The following LMBR1 variants were observed in gnomAD, a reference collection of about 807,000 sequenced individuals.
The protein encoded by LMBR1 is limb development membrane protein 1.
A neutral mutation model predicts 73.9 loss-of-function variants in LMBR1; 52 were observed. That is an observed-to-expected ratio of 0.70 (90% CI 0.56 to 0.89). LMBR1 has a LOEUF of 0.89. Ranked by LOEUF, LMBR1 falls within the 40% of genes least tolerant of loss-of-function variation. LMBR1 has a pLI of 0.00. For synonymous variants in LMBR1, 215 were observed against 209.4 expected (o/e 1.03, Z -0.23); for missense variants, 539 against 579.8 (o/e 0.93, Z 0.72).
chr7:156,820,920 G>C (rs2133753185), intron 4 of LMBR1, among the ~76,000 whole-genome samples: 1 of 152,342 alleles, frequency 6.6e-6, no homozygotes, highest in Non-Finnish European at 1.5e-5. Context: ...TGGAGCCTTT[G>C]GCAGGTTCCT....
At chr7:156,823,653 C>T (rs1245050832) in intron 4 of LMBR1, 1 of 152,152 alleles carries the variant, frequency 6.6e-6, no homozygotes, top group Non-Finnish European at 1.5e-5. Context: ...ACGAAATAGC[C>T]TTTGAAAACC....
intron 16 of LMBR1, 123 bp from the exon 17 acceptor site, chr7:156,684,286 G>T: frequency 2.7e-6 from 2 of 751,098 alleles, no homozygotes; most frequent in Non-Finnish European, 4.5e-6. Context: ...TGAGGTGCTG[G>T]CCAGATCCCC....
downstream of LMBR1, chr7:156,676,333 G>T (rs749258667): frequency 1.2e-6 from 2 of 1,612,986 alleles, no homozygotes; most frequent in African/African-American, 2.7e-5. Context: ...CATGTCTCGG[G>T]GCACATGGTT....
At chr7:156,861,628 C>A (rs1247654566) in intron 1 of LMBR1, among the ~76,000 whole-genome samples, 1 of 152,152 alleles carries the variant, frequency 6.6e-6, no homozygotes, top group Non-Finnish European at 1.5e-5. Flanking sequence ...AACTTCTATG[C>A]TCTGTTTTCC....
Position 156,756,394 on chromosome 7 carries a change from AT to A in LMBR1, c.755del (p.Asn252MetfsTer11). The A allele has an allele frequency of 7.1e-7, 1 of 1,401,548 alleles. No individual in the cohort carries two copies. The highest frequency in any genetic ancestry group is 1.0e-6 in the Non-Finnish European group (1 of 994,486). 86.8% of individuals were successfully genotyped at this position (1,401,548 alleles called of 1,614,324 possible). A position where few individuals can be genotyped will look rare whatever the true frequency, so the allele number is the denominator to read the frequency against. On this transcript the variant is annotated frameshift_variant and splice_region_variant, in exon 9 of 17. Coordinates refer to ENST00000353442, the MANE Select transcript of LMBR1 (RefSeq NM_022458.4). LOFTEE classifies it high-confidence loss of function. ...LEEEALQRRL[N>X]GLSSSVEYNI... ...TCTAAATATGTAATATAAACATACC[AT>A]TTAGTCGTCTCTGGAGTGCTTCTTC...
intron 4 of LMBR1, among the ~76,000 whole-genome samples, chr7:156,796,896 T>A (rs190225213): frequency 6.6e-6 from 1 of 152,338 alleles, no homozygotes; most frequent in East Asian, 1.9e-4. Context: ...TTAAGCCTCA[T>A]AAAAACCCTA....
intron 1 of LMBR1, among the ~76,000 whole-genome samples, chr7:156,870,426 A>G (rs528042906): frequency 1.3e-5 from 2 of 152,214 alleles, no homozygotes; most frequent in African/African-American, 2.4e-5. Context: ...TAAACACCAC[A>G]TTCTGAACAC....
chr7:156,688,430 G>A (rs1052692931), intron 15 of LMBR1, among the ~76,000 whole-genome samples: 5 of 152,012 alleles, frequency 3.3e-5, no homozygotes, highest in Non-Finnish European at 7.4e-5. Flanking sequence ...TGAGTAATGA[G>A]GTCAGAATGA....
intron 15 of LMBR1, among the ~76,000 whole-genome samples, chr7:156,694,470 T>A (rs1415756867): frequency 1.3e-5 from 2 of 152,078 alleles, no homozygotes; most frequent in African/African-American, 4.8e-5. Context: ...CAGCTAACAT[T>A]ATAATCAATG....
intron 5 of LMBR1, among the ~76,000 whole-genome samples, chr7:156,767,430 A>T (rs143598519): frequency 2.0e-5 from 3 of 152,302 alleles, no homozygotes; most frequent in East Asian, 3.9e-4. Context: ...ATTTTTTATT[A>T]TCTTATACAT....
At chr7:156,742,417 G>GA (rs1321189963) in intron 9 of LMBR1, among the ~76,000 whole-genome samples, 1 of 152,034 alleles carries the variant, frequency 6.6e-6, no homozygotes, top group Non-Finnish European at 1.5e-5. Context: ...AATCAGAGAT[G>GA]AAAAAGAAGA....
chr7:156,882,504 A>G (rs1801247207), intron 1 of LMBR1, among the ~76,000 whole-genome samples: 1 of 152,196 alleles, frequency 6.6e-6, no homozygotes, highest in Non-Finnish European at 1.5e-5. Flanking sequence ...TAAGTGAAAA[A>G]AAGAGAGTCA....
intron 1 of LMBR1, among the ~76,000 whole-genome samples, chr7:156,889,226 T>C (rs1329635471): frequency 2.0e-5 from 3 of 152,080 alleles, no homozygotes; most frequent in Non-Finnish European, 4.4e-5. Flanking sequence ...GAGTGAAGAA[T>C]GGAGAGTTAC....
intron 15 of LMBR1, among the ~76,000 whole-genome samples, chr7:156,710,476 A>G (rs1811850050): frequency 6.6e-6 from 1 of 152,226 alleles, no homozygotes; most frequent in Admixed American, 6.5e-5. Context: ...GACAAAGACA[A>G]AGAAAAAAGA....
intron 4 of LMBR1, among the ~76,000 whole-genome samples, chr7:156,800,521 T>A (rs1201687941): frequency 7.5e-6 from 1 of 133,872 alleles, no homozygotes; most frequent in Non-Finnish European, 1.6e-5. Context: ...ATACTACTGC[T>A]CATTGACAAT....
intron 1 of LMBR1, among the ~76,000 whole-genome samples, chr7:156,877,662 T>C (rs1169255051): frequency 1.3e-5 from 2 of 152,032 alleles, no homozygotes; most frequent in Non-Finnish European, 2.9e-5. Flanking sequence ...GGTGGGCGGA[T>C]CACGAGGTCA....
In LMBR1 at chr7:156,801,507, G is replaced by A. The variant is rs969532772; in HGVS notation, c.320-5015C>T. On this transcript the variant is annotated intron_variant, in intron 4 of 16. Coordinates refer to ENST00000353442, the MANE Select transcript of LMBR1 (RefSeq NM_022458.4). ...GGAACCAACCCTGCAGTATCTCCAAGGTATGCCTGTCACTGTTAGGTATGT... is the reference window on the plus strand; with the variant it reads ...GGAACCAACCCTGCAGTATCTCCAAAGTATGCCTGTCACTGTTAGGTATGT... Among the ~76,000 whole-genome samples the A allele has an allele frequency of 4.6e-5, 7 of 152,212 alleles. No individual in the cohort carries two copies. In the East Asian group the frequency reaches 1.2e-3, roughly 25 times the overall value.
In LMBR1 at chr7:156,763,807, A is replaced by T; in HGVS notation, c.424-12T>A. 1 of 1,577,998 alleles carries T rather than the reference A, an allele frequency of 6.3e-7. No individual in the cohort carries two copies. Among genetic ancestry groups the T allele is most frequent in the South Asian group, 1.2e-5 (1 of 84,210 alleles). On this transcript the variant is annotated splice_polypyrimidine_tract_variant and intron_variant, in intron 5 of 16. Coordinates refer to ENST00000353442, the MANE Select transcript of LMBR1 (RefSeq NM_022458.4). ...CGGGCTCGGATTCCCTGAAAAATAG[A>T]GTAGAAATATAATTTTAGTATTTTA...
chr7:156,870,814 G>C (rs762098736), intron 1 of LMBR1, among the ~76,000 whole-genome samples: 8 of 151,480 alleles, frequency 5.3e-5, no homozygotes, highest in Non-Finnish European at 7.4e-5. Context: ...AAAACTTATG[G>C]GATGAAACAA....
Sources: gnomAD v4.1 joint callset for allele counts (sites outside exome capture counted in the v4.1 genomes callset) on GRCh38, gnomAD v4.1.1 for gene constraint, MANE v1.5 for transcripts, NCBI Gene and HGNC (gene_info 2026-07-23, HGNC 2026-07-21) for gene names.